JUP: variants seen among roughly 807,000 people sequenced by gnomAD.
The protein encoded by JUP is junction plakoglobin, also known as catenin (cadherin-associated protein), gamma 80kDa.
Under a neutral mutation model 71.1 loss-of-function variants are expected in JUP, and 28 were observed. That is an observed-to-expected ratio of 0.39 (90% confidence interval 0.29 to 0.54). The LOEUF (loss-of-function observed/expected upper bound fraction) is 0.54. Ranked by LOEUF, JUP falls within the 20% of genes least tolerant of loss-of-function variation. The pLI is 0.62. For missense variants in JUP, 869 were observed against 1,030.1 expected (o/e 0.84, Z 2.14); for synonymous variants, 401 against 438.9 (o/e 0.91, Z 1.08).
chr17:41,764,191 T>C (rs111568896), intron 7 of JUP, among the ~76,000 whole-genome samples: 238 of 152,274 alleles, frequency 1.6e-3, no homozygotes, highest in Non-Finnish European at 2.6e-3. Context: ...TTTTTAGTCA[T>C]GGGGGCCTGT....
chr17:41,775,602 A>G (rs1420662103), intron 1 of JUP, among the ~76,000 whole-genome samples: 4 of 152,098 alleles, frequency 2.6e-5, no homozygotes, highest in African/African-American at 9.7e-5. Flanking sequence ...GGCCCTGCCC[A>G]CTCATCCCAG....
intron 1 of JUP, among the ~76,000 whole-genome samples, chr17:41,777,064 C>T (rs1233194394): frequency 1.4e-4 from 21 of 152,160 alleles, no homozygotes; most frequent in Admixed American, 6.5e-5. Flanking sequence ...AGAGACCTGT[C>T]GGGCAAGGTG....
intron 7 of JUP, among the ~76,000 whole-genome samples, chr17:41,764,037 G>A (rs1915300798): frequency 6.6e-6 from 1 of 152,210 alleles, no homozygotes; most frequent in African/African-American, 2.4e-5. Context: ...GGTTGAATGA[G>A]CTACTGTCCA....
In JUP at chr17:41,764,915, A is replaced by G. The variant is rs2143596868; in HGVS notation, c.1054+8T>C. On this transcript the variant is annotated splice_region_variant and intron_variant, in intron 6 of 13. Transcript: ENST00000393931. ...CACCCCAGCCGCCCTCAAGGCCATC[A>G]TACTCACCAGCCTCCACAATGGCAG... 1 of 1,614,148 alleles carries G rather than the reference A, an allele frequency of 6.2e-7. No individual in the cohort carries two copies.
intron 1 of JUP, among the ~76,000 whole-genome samples, chr17:41,779,018 C>CTT: frequency 6.6e-6 from 1 of 151,978 alleles, no homozygotes; most frequent in Non-Finnish European, 1.5e-5. Context: ...GGGTGGATCA[C>CTT]AAGGTCTGGA....
chr17:41,762,076 A>G (rs1260781060), intron 8 of JUP, among the ~76,000 whole-genome samples: 1 of 151,068 alleles, frequency 6.6e-6, no homozygotes, highest in African/African-American at 2.4e-5. Context: ...ACAACAAAAA[A>G]AAGACATACA....
chr17:41,756,012 TCCCC>T, intron 13 of JUP, 117 bp from the exon 14 acceptor site: 1 of 1,144,198 alleles, frequency 8.7e-7, no homozygotes. Context: ...GCCTGACCCC[TCCCC>T]AGACCCCACA....
At chr17:41,772,018 A>G (rs535849074) in intron 1 of JUP, among the ~76,000 whole-genome samples, 156 bp from the exon 2 acceptor site, 24 of 152,236 alleles carry the variant, frequency 1.6e-4, no homozygotes, top group African/African-American at 5.5e-4. Context: ...ACTGCCCAGA[A>G]GGGCACCAGG....
At chr17:41,769,351 T>A in intron 3 of JUP, 67 bp downstream of exon 3, 1 of 1,576,374 alleles carries the variant, frequency 6.3e-7, no homozygotes, top group African/African-American at 1.3e-5. Context: ...ACAATGTCCC[T>A]CCCCTGAGGA....
intron 5 of JUP, among the ~76,000 whole-genome samples, chr17:41,765,643 A>G (rs1195509832): frequency 6.6e-6 from 1 of 151,696 alleles, no homozygotes; most frequent in Non-Finnish European, 1.5e-5. Context: ...GTGAACCACC[A>G]CACCCAGCCC....
chr17:41,765,255 A>T (rs1260467627), intron 5 of JUP, among the ~76,000 whole-genome samples, 188 bp from the exon 6 acceptor site: 2 of 152,082 alleles, frequency 1.3e-5, no homozygotes, highest in Admixed American at 6.6e-5. Context: ...AGGCTGGTCT[A>T]GAACTCCTGG....
chr17:41,759,483 C>T (rs1278226120), intron 8 of JUP, among the ~76,000 whole-genome samples: 1 of 151,528 alleles, frequency 6.6e-6, no homozygotes, highest in African/African-American at 2.4e-5. Flanking sequence ...TAACCACCCC[C>T]CACAGACACC....
intron 3 of JUP, 95 bp from the exon 4 acceptor site, chr17:41,769,302 C>T (rs941821226): frequency 1.9e-5 from 29 of 1,549,016 alleles, no homozygotes; most frequent in Non-Finnish European, 2.6e-5. Flanking sequence ...AGACTCATCA[C>T]ACACGGGAGA....
chr17:41,767,263 T>C (rs1312736757), intron 5 of JUP, 116 bp downstream of exon 5: 8 of 797,150 alleles, frequency 1.0e-5, no homozygotes, highest in South Asian at 4.3e-5. Context: ...GAAGCATGTA[T>C]ATCTGCACCT....
intron 1 of JUP, among the ~76,000 whole-genome samples, chr17:41,783,747 T>C (rs570526140): frequency 1.8e-3 from 276 of 151,912 alleles, no homozygotes; most frequent in African/African-American, 3.7e-3. Flanking sequence ...GGTGAAACCC[T>C]GTCTCTACTA....
chr17:41,783,762 T>C (rs949656811), intron 1 of JUP, among the ~76,000 whole-genome samples: 7 of 151,476 alleles, frequency 4.6e-5, no homozygotes, highest in Non-Finnish European at 8.8e-5. Context: ...CTACTAAAAA[T>C]ACAAAAATCA....
chr17:41,781,969 G>C (rs1325141554), intron 1 of JUP, among the ~76,000 whole-genome samples: 2 of 152,176 alleles, frequency 1.3e-5, no homozygotes, highest in African/African-American at 4.8e-5. Flanking sequence ...GGTTCATTCT[G>C]TTTTCTTCTC....
rs1914357746 is a variant in JUP, at chr17:41,759,008, GAGA to G, written c.1498-141_1498-139del. 4.7e-6 allele frequency: 4 copies of G among 857,760 alleles called. No homozygotes were observed. In the South Asian group the frequency reaches 5.4e-5, roughly 12 times the overall value. 53.1% of individuals were successfully genotyped at this position (857,760 alleles called of 1,614,324 possible). A position where few individuals can be genotyped will look rare whatever the true frequency, so the allele number is the denominator to read the frequency against. On this transcript the variant is annotated intron_variant, in intron 8 of 13. Transcript: ENST00000393931. ...ACACAGACATACTGGAAAATATCCA[GAGA>G]AGGAGACCATCCCAGCCATGTCACT...
intron 2 of JUP, among the ~76,000 whole-genome samples, chr17:41,770,607 C>T (rs150708250): frequency 6.6e-6 from 1 of 152,314 alleles, no homozygotes; most frequent in Non-Finnish European, 1.5e-5. Flanking sequence ...CCACCAGCCA[C>T]AGTCTACTCA....
Sources: allele counts gnomAD v4.1 joint callset (sites outside exome capture counted in the v4.1 genomes callset), GRCh38; gene constraint gnomAD v4.1.1; transcripts MANE v1.5; gene names NCBI Gene and HGNC (gene_info 2026-07-23, HGNC 2026-07-21).